Variants in TMEM175 observed in about 807,000 individuals in gnomAD.
TMEM175 encodes the protein transmembrane protein 175.
A neutral mutation model predicts 36.5 loss-of-function variants in TMEM175; 36 were observed. That is an observed-to-expected ratio of 0.99 (90% CI 0.76 to 1.30). TMEM175 has a LOEUF of 1.30. TMEM175 is among the 50% of genes most tolerant of loss of function. The pLI is 0.00. For synonymous variants in TMEM175, 339 were observed against 313.4 expected (o/e 1.08, Z -0.86); for missense variants, 705 against 692.8 (o/e 1.02, Z -0.20).
chr4:947,590 G>A, intron 1 of TMEM175, 119 bp from the exon 2 acceptor site: 4 of 756,550 alleles, frequency 5.3e-6, no homozygotes, highest in Non-Finnish European at 8.4e-6. Flanking sequence ...CCCTTCCCCT[G>A]CTCAGTGGCG....
chr4:953,347 T>C lies in TMEM175; in HGVS notation c.620T>C (p.Val207Ala), dbSNP rs760986212. 13 of 1,611,442 alleles carry C rather than the reference T, an allele frequency of 8.1e-6. No individual in the cohort carries two copies. In the Admixed American group the frequency reaches 2.0e-4, roughly 25 times the overall value. The part of the protein sequence containing the change: ...FAAAIFSLFF[V>A]PLSYLLMVTV... ...GCGGCCATCTTCTCTCTCTTCTTTG[T>C]CCCCTTGGTGAGTGCTGGGACAGCC... The change falls in exon 8 of 11, where the codon GTC (valine) becomes GCC (alanine). Residue 207 changes from valine to alanine, a missense_variant. Physicochemically the swap from Val to Ala is moderately conservative, Grantham distance 64 (BLOSUM62 0). Transcript: ENST00000264771.
intron 1 of TMEM175, among the ~76,000 whole-genome samples, chr4:939,517 A>C (rs1727182457): frequency 6.6e-6 from 1 of 152,138 alleles, no homozygotes; most frequent in Non-Finnish European, 1.5e-5. Flanking sequence ...GGAGTTCGAG[A>C]CCAGCCTGAC....
chr4:956,443 G>GTTT (rs748261443), intron 10 of TMEM175: 2,675 of 1,193,736 alleles, frequency 2.2e-3, no homozygotes, highest in East Asian at 8.9e-3. Context: ...TTTTTGTGGG[G>GTTT]TTTTTTTTTT....
intron 1 of TMEM175, among the ~76,000 whole-genome samples, chr4:936,415 A>T (rs1726786943): frequency 1.3e-5 from 2 of 152,284 alleles, no homozygotes; most frequent in South Asian, 4.1e-4. Context: ...TAGATAACAA[A>T]AGCAATAGAG....
chr4:947,344 G>A (rs2153000401), intron 1 of TMEM175, among the ~76,000 whole-genome samples: 1 of 152,294 alleles, frequency 6.6e-6, no homozygotes, highest in Admixed American at 6.5e-5. Context: ...AGGCACGCAT[G>A]CACGGTCAAG....
chr4:935,118 A>G (rs751670228), intron 1 of TMEM175, among the ~76,000 whole-genome samples: 4 of 152,260 alleles, frequency 2.6e-5, no homozygotes, highest in Admixed American at 2.6e-4. Context: ...TCTGGAGGCC[A>G]TGAACTTATA....
At chr4:935,910 T>A (rs559324332) in intron 1 of TMEM175, among the ~76,000 whole-genome samples, 1 of 152,310 alleles carries the variant, frequency 6.6e-6, no homozygotes, top group South Asian at 2.1e-4. Context: ...AAATAACTCA[T>A]GGGTCAAAGA....
At chr4:957,747 CAG>C in intron 10 of TMEM175, 75 bp from the exon 11 acceptor site, 1 of 1,445,458 alleles carries the variant, frequency 6.9e-7, no homozygotes, top group Non-Finnish European at 9.4e-7. Context: ...GCAGCCCTGA[CAG>C]GCGCTCAGCC....
chr4:958,178 G>A lies in TMEM175; in HGVS notation c.1197G>A (p.Leu399=). 1 of 1,603,686 alleles carries A rather than the reference G, an allele frequency of 6.2e-7. No homozygotes were observed. Among genetic ancestry groups the A allele is most frequent in the Non-Finnish European group, 8.5e-7 (1 of 1,179,040 alleles). The change falls in exon 11 of 11, where the codon CTG becomes CTA. Residue 399 remains leucine, a synonymous_variant. Coordinates refer to ENST00000264771, the MANE Select transcript of TMEM175 (RefSeq NM_032326.4). ...FQLAMWTTAL[L]HQAETLQPSV... Reference sequence around the variant, plus strand: ...TGGCCATGTGGACCACGGCGCTGCTGCACCAGGCGGAGACGCTGCAGCCCT... The same window carrying A: ...TGGCCATGTGGACCACGGCGCTGCTACACCAGGCGGAGACGCTGCAGCCCT...
chr4:935,134 A>G (rs902174869), intron 1 of TMEM175, among the ~76,000 whole-genome samples: 1 of 152,258 alleles, frequency 6.6e-6, no homozygotes, highest in Admixed American at 6.5e-5. Flanking sequence ...TTATACTGGC[A>G]TGACCTGGGA....
chr4:951,696 C>A lies in TMEM175; in HGVS notation c.357C>A (p.Thr119=), dbSNP rs775553735. The A allele has an allele frequency of 2.5e-6, 4 of 1,614,006 alleles. No individual in the cohort carries two copies. Among genetic ancestry groups the A allele is most frequent in the Admixed American group, 1.7e-5 (1 of 60,000 alleles). The change falls in exon 6 of 11, where the codon ACC becomes ACA. Residue 119 remains threonine, a synonymous_variant. Transcript: ENST00000264771. The part of the protein sequence containing the change: ...LALLNLACMM[T]ITFLPYTFSL... The stretch of plus-strand genomic sequence containing the variant: ...CCTCCCTCCAGGCCTGCATGATGAC[C>A]ATCACCTTCCTGCCTTACACGGTGA...
rs376481624 is a variant in TMEM175, at chr4:955,518, C to T, written c.706+35C>T. 13 of 1,593,310 alleles carry T rather than the reference C, an allele frequency of 8.2e-6. No individual in the cohort carries two copies. In the African/African-American group the frequency reaches 1.7e-4, roughly 21 times the overall value. On this transcript the variant is annotated intron_variant, in intron 9 of 10. Transcript: ENST00000264771. Reference sequence around the variant, plus strand: ...GACTGGGTGGGCTGGCCTGAGAGGCCTGTAGTCCGCCCACCTCCGTGCGGC... The same window carrying T: ...GACTGGGTGGGCTGGCCTGAGAGGCTTGTAGTCCGCCCACCTCCGTGCGGC...
At chr4:952,540 G>A in intron 7 of TMEM175, 90 bp downstream of exon 7, 8 of 1,343,590 alleles carry the variant, frequency 6.0e-6, no homozygotes, top group Middle Eastern at 2.6e-4. Context: ...GGTCGTGCAG[G>A]TAGGGGGCCC....
chr4:942,777 C>G (rs971779641), intron 1 of TMEM175, among the ~76,000 whole-genome samples: 2 of 151,890 alleles, frequency 1.3e-5, no homozygotes, highest in Non-Finnish European at 2.9e-5. Flanking sequence ...GTAGCTGGGA[C>G]TACAGGCGCA....
intron 1 of TMEM175, among the ~76,000 whole-genome samples, chr4:947,250 C>CGAGAGCGGGGGA (rs1560483025): frequency 1.4e-5 from 2 of 143,574 alleles, no homozygotes. Context: ...GCCCCGAGAG[C>CGAGAGCGGGGGA]GAGAGCGGGG....
intron 6 of TMEM175, 70 bp from the exon 7 acceptor site, chr4:952,297 C>A: frequency 7.0e-7 from 1 of 1,419,170 alleles, no homozygotes; most frequent in Non-Finnish European, 9.9e-7. Context: ...CTCACCATGG[C>A]CCAGTTCCAG....
intron 1 of TMEM175, among the ~76,000 whole-genome samples, chr4:944,068 G>A (rs996302510): frequency 6.6e-5 from 10 of 152,202 alleles, no homozygotes; most frequent in African/African-American, 2.4e-4. Flanking sequence ...CAAGGTAGGT[G>A]GATCACCTGA....
intron 1 of TMEM175, among the ~76,000 whole-genome samples, chr4:940,522 T>G (rs1330007919): frequency 1.3e-5 from 2 of 151,782 alleles, no homozygotes; most frequent in Non-Finnish European, 2.9e-5. Flanking sequence ...CACCAGAGAT[T>G]TTTAGGGTGT....
intron 1 of TMEM175, among the ~76,000 whole-genome samples, chr4:943,403 C>A (rs1301124852): frequency 6.6e-6 from 1 of 152,162 alleles, no homozygotes; most frequent in Non-Finnish European, 1.5e-5. Flanking sequence ...AGGTGTGTGC[C>A]ACCACACCCA....
Sources: allele counts gnomAD v4.1 joint callset (sites outside exome capture counted in the v4.1 genomes callset), GRCh38; gene constraint gnomAD v4.1.1; transcripts MANE v1.5; gene names NCBI Gene and HGNC (gene_info 2026-07-23, HGNC 2026-07-21).